The following NRIP1 variants were observed in gnomAD, a reference collection of about 807,000 sequenced individuals.
The protein encoded by NRIP1 is nuclear receptor-interacting protein 1.
A neutral mutation model predicts 75.0 loss-of-function variants in NRIP1; 28 were observed. The ratio of observed to expected loss-of-function variants is 0.37; its 90% CI spans 0.28 to 0.51. The LOEUF is 0.51. Ranked by LOEUF, NRIP1 falls within the 20% of genes least tolerant of loss-of-function variation. The pLI is 0.92. For missense variants in NRIP1, 1,435 were observed against 1,343.7 expected (o/e 1.07, Z -1.06); for synonymous variants, 526 against 487.6 (o/e 1.08, Z -1.04).
At position 14,982,703 on chromosome 21, in the gene NRIP1, T is replaced by G. The variant is rs1225902388; in HGVS notation, c.-334-14177A>C. On this transcript the variant is annotated intron_variant, in intron 3 of 3. Coordinates refer to ENST00000318948, the MANE Select transcript of NRIP1 (RefSeq NM_003489.4). ...TACTTTGCCATTATTGTGGGGTTTT[T>G]TTTTGTTTTTTTTTTGTTTTTTTTT... is the stretch of plus-strand genomic sequence containing the variant. Among the ~76,000 whole-genome samples the G allele has an allele frequency of 1.5e-3, 119 of 77,872 alleles. 1 individual carries two copies. The highest frequency in any genetic ancestry group is 6.6e-3 in the African/African-American group (111 of 16,826). 51.1% of individuals were successfully genotyped at this position (77,872 alleles called of 152,430 possible).
intron 2 of NRIP1, among the ~76,000 whole-genome samples, chr21:15,016,778 G>C (rs1009315746): frequency 6.6e-6 from 1 of 151,846 alleles, no homozygotes; most frequent in Non-Finnish European, 1.5e-5. Flanking sequence ...CCAGCTACTC[G>C]GGAGGCTGAG....
chr21:15,050,775 A>G (rs1390712914), intron 1 of NRIP1: 1 of 455,964 alleles, frequency 2.2e-6, no homozygotes, highest in Non-Finnish European at 4.4e-6. Flanking sequence ...CAACGCTTAG[A>G]GAAGGCAAAG....
At chr21:14,998,532 A>G (rs2087783341) in intron 3 of NRIP1, among the ~76,000 whole-genome samples, 1 of 152,196 alleles carries the variant, frequency 6.6e-6, no homozygotes, top group African/African-American at 2.4e-5. Context: ...CAGACTATAT[A>G]ACGTGTTTGT....
chr21:15,025,264 G>A (rs1343419688), intron 2 of NRIP1, among the ~76,000 whole-genome samples: 1 of 152,106 alleles, frequency 6.6e-6, no homozygotes, highest in African/African-American at 2.4e-5. Flanking sequence ...TAAGGATCAT[G>A]GTAGTCAGGT....
intron 1 of NRIP1, among the ~76,000 whole-genome samples, chr21:15,055,839 G>C (rs752341182): frequency 1.3e-5 from 2 of 152,080 alleles, no homozygotes; most frequent in African/African-American, 4.8e-5. Flanking sequence ...AATGCAGATA[G>C]TAACTGTTTT....
rs1232449303 is a variant in NRIP1, at chr21:15,039,278, A to G, written c.-458+4217T>C. Among the ~76,000 whole-genome samples, 3 of 152,116 alleles carry G rather than the reference A, an allele frequency of 2.0e-5. No homozygotes were observed. The East Asian group carries it at 5.8e-4, about 29-fold the overall frequency. On this transcript the variant is annotated intron_variant, in intron 2 of 3. Transcript: ENST00000318948. ...GTATTATCAAAAATGTGTTGGGGGT[A>G]GGGCTATAAAACAACCACTGTATCC...
chr21:14,991,514 C>T (rs890549363), intron 3 of NRIP1, among the ~76,000 whole-genome samples: 3 of 151,898 alleles, frequency 2.0e-5, no homozygotes, highest in African/African-American at 7.3e-5. Context: ...GCCTTTCTTC[C>T]TCTGCTCTAT....
rs146383520 is a variant in NRIP1, at chr21:14,974,241, G to A, written c.-334-5715C>T. 2.1e-3 allele frequency: 323 copies of A among 152,054 alleles called. 1 individual carries two copies. The highest frequency in any genetic ancestry group is 7.5e-3 in the African/African-American group (312 of 41,486). The allele number at this position is 152,054 out of a possible 1,614,324, so 9.4% of individuals were successfully genotyped here. On this transcript the variant is annotated intron_variant, in intron 3 of 3. Coordinates refer to ENST00000318948, the MANE Select transcript of NRIP1 (RefSeq NM_003489.4). ...AGTATATATCTGAAAAGGACAAGGC[G>A]CTTTGAAACTGACAGCTCATCAACA...
In NRIP1 at chr21:15,020,696, G is replaced by A. The variant is rs142180083; in HGVS notation, c.-457-6230C>T. Among the ~76,000 whole-genome samples, 227 of 152,180 alleles carry A rather than the reference G, an allele frequency of 1.5e-3. 1 individual carries two copies. Among genetic ancestry groups the A allele is most frequent in the African/African-American group, 5.3e-3 (220 of 41,544 alleles). On this transcript the variant is annotated intron_variant, in intron 2 of 3. Coordinates refer to ENST00000318948, the MANE Select transcript of NRIP1 (RefSeq NM_003489.4). ...CATATATTAAAACCCTTTGAAGTCAGCAATAAGATAAACTAACCAAATTGT... is the reference window on the plus strand; with the variant it reads ...CATATATTAAAACCCTTTGAAGTCAACAATAAGATAAACTAACCAAATTGT...
chr21:15,058,102 A>G (rs2089345009), intron 1 of NRIP1, among the ~76,000 whole-genome samples: 1 of 152,198 alleles, frequency 6.6e-6, no homozygotes. Flanking sequence ...TTAGAAATCA[A>G]ATATAACCCC....
At chr21:15,024,411 A>C (rs9636611) in intron 2 of NRIP1, among the ~76,000 whole-genome samples, 1 of 151,642 alleles carries the variant, frequency 6.6e-6, no homozygotes, top group African/African-American at 2.4e-5. Flanking sequence ...GTGTGGTGGC[A>C]GTCACCTGTA....
chr21:15,025,990 C>T (rs1478581970), intron 2 of NRIP1, among the ~76,000 whole-genome samples: 2 of 152,092 alleles, frequency 1.3e-5, no homozygotes. Flanking sequence ...CTTGAATGAG[C>T]TCTGACGATT....
intron 3 of NRIP1, among the ~76,000 whole-genome samples, chr21:15,008,894 T>C (rs1038022983): frequency 2.0e-5 from 3 of 152,208 alleles, no homozygotes; most frequent in Non-Finnish European, 2.9e-5. Flanking sequence ...CTAGAGGCTA[T>C]ATACATGGAA....
At chr21:14,998,765 TCTAG>T (rs1398969661) in intron 3 of NRIP1, among the ~76,000 whole-genome samples, 1 of 152,242 alleles carries the variant, frequency 6.6e-6, no homozygotes, top group Non-Finnish European at 1.5e-5. Flanking sequence ...ACATCTTTCC[TCTAG>T]CTAACTTTAT....
In NRIP1 at chr21:14,965,359, C is replaced by T. The variant is rs1353386724; in HGVS notation, c.2834G>A (p.Cys945Tyr). Residue 945 changes from cysteine to tyrosine, a missense_variant, in exon 4 of 4, where the codon TGT becomes TAT. Cys to Tyr is a radical substitution (Grantham distance 194, BLOSUM62 -2). Transcript: ENST00000318948. ...TCTGTGCGGGGACAAATCTCGCACA[C>T]AGTTTTCTGAGAGAAGCAGCTGTTT... Reference protein sequence around the residue: ...VLKQLLLSENCVRDLSPHRSN... With the variant: ...VLKQLLLSENYVRDLSPHRSN... The T allele has an allele frequency of 6.2e-7, 1 of 1,614,040 alleles. No individual in the cohort carries two copies. The highest frequency in any genetic ancestry group is 8.5e-7 in the Non-Finnish European group (1 of 1,179,956).
rs563338914 is a variant in NRIP1 at position 14,981,409 on chromosome 21, T to C, written c.-334-12883A>G. 3.8e-3 allele frequency among the ~76,000 whole-genome samples: 585 copies of C among 152,330 alleles called. 1 individual carries two copies. The highest frequency in any genetic ancestry group is 0.013 in the African/African-American group (552 of 41,568). On this transcript the variant is annotated intron_variant, in intron 3 of 3. Transcript: ENST00000318948. Reference sequence around the variant, plus strand: ...GCTAATCTGAGAACCAGTTCTGCTGTTGTCCAGGTTTAGGGCACGTTCTGC... The same window carrying C: ...GCTAATCTGAGAACCAGTTCTGCTGCTGTCCAGGTTTAGGGCACGTTCTGC...
intron 1 of NRIP1, among the ~76,000 whole-genome samples, chr21:15,056,635 A>G (rs2089314954): frequency 6.6e-6 from 1 of 152,208 alleles, no homozygotes; most frequent in Admixed American, 6.5e-5. Context: ...GCCAAAATAT[A>G]ACGTATTCTC....
Position 15,063,934 on chromosome 21 carries a change from G to T in NRIP1, c.-538+811C>A, listed in dbSNP as rs973574866. ...AGACTCCCAGCCTGTCCGCCTCTAA[G>T]ACACAGTTGGTTCCTTTGTTCCTTC... On this transcript the variant is annotated intron_variant, in intron 1 of 3. Transcript: ENST00000318948. 3.3e-5 allele frequency among the ~76,000 whole-genome samples: 5 copies of T among 152,222 alleles called. No homozygotes were observed. In the East Asian group the frequency reaches 7.7e-4, roughly 23 times the overall value.
chr21:14,995,764 T>C (rs933841998), intron 3 of NRIP1, among the ~76,000 whole-genome samples: 7 of 145,060 alleles, frequency 4.8e-5, no homozygotes, highest in African/African-American at 7.4e-5. Flanking sequence ...TAGCTGTGTG[T>C]GCGTGTGTGT....
Sources: allele counts gnomAD v4.1 joint callset (sites outside exome capture counted in the v4.1 genomes callset), GRCh38; gene constraint gnomAD v4.1.1; transcripts MANE v1.5; gene names NCBI Gene and HGNC (gene_info 2026-07-23, HGNC 2026-07-21).